CDC42BPA: variants seen among roughly 807,000 people sequenced by gnomAD.
CDC42BPA encodes CDC42 binding protein kinase alpha.
In CDC42BPA, 80 loss-of-function variants were observed where a neutral mutation model predicts 223.5. That is an observed-to-expected ratio of 0.36 (90% CI 0.30 to 0.43). The LOEUF (loss-of-function observed/expected upper bound fraction) is 0.43, where lower values mean the gene tolerates loss of function less well. Ranked by LOEUF, CDC42BPA falls within the 20% of genes least tolerant of loss-of-function variation. CDC42BPA has a pLI of 1.00. For synonymous variants in CDC42BPA, 694 were observed against 718.6 expected (o/e 0.97, Z 0.55); for missense variants, 1,743 against 2,099.9 (o/e 0.83, Z 3.32).
chr1:227,226,022 C>G (rs1252481820), intron 2 of CDC42BPA, among the ~76,000 whole-genome samples: 1 of 152,222 alleles, frequency 6.6e-6, no homozygotes, highest in Non-Finnish European at 1.5e-5. Flanking sequence ...CACCCTCTCT[C>G]TTGATTCAAG....
intron 14 of CDC42BPA, among the ~76,000 whole-genome samples, chr1:227,104,188 T>A (rs1325742997): frequency 6.6e-6 from 1 of 152,092 alleles, no homozygotes; most frequent in African/African-American, 2.4e-5. Context: ...AGGTACAACT[T>A]TTTTGGCCTC....
rs1663705789 is a variant in CDC42BPA, at chr1:227,005,007, A to C, written c.4962T>G (p.Ser1654Arg). 6.2e-7 allele frequency: 1 copy of C among 1,613,208 alleles called. No individual in the cohort carries two copies. Among genetic ancestry groups the C allele is most frequent in the African/African-American group, 1.3e-5 (1 of 74,916 alleles). Residue 1654 changes from serine (S) to arginine (R), a missense_variant, in exon 35 of 37, where the codon AGT becomes AGG. Physicochemically the swap from Ser to Arg is moderately radical, Grantham distance 110. Transcript: ENST00000366766. Reference protein sequence around the residue: ...PEPGRSMSASSGLSARSSAQN... With the variant: ...PEPGRSMSASRGLSARSSAQN... ...CCCGGCACTTACTTGCTGACAAGCC[A>C]CTGCTAGCACTCATGGAGCGGCCTG...
chr1:227,185,786 T>C lies in CDC42BPA; in HGVS notation c.599+8000A>G, dbSNP rs547423777. ...TTCTAATTCAACTTAAGAGGAAGAA[T>C]CTGGTGTTCCTCCACTCATCAGAGC... On this transcript the variant is annotated intron_variant, in intron 5 of 36. Coordinates refer to ENST00000366766, the MANE Select transcript of CDC42BPA (RefSeq NM_001394014.1). Among the ~76,000 whole-genome samples the C allele has an allele frequency of 2.3e-3, 339 of 149,996 alleles. 2 individuals are homozygous for C. The highest frequency in any genetic ancestry group is 8.0e-3 in the African/African-American group (328 of 40,874).
chr1:227,152,960 G>C (rs531821539), intron 6 of CDC42BPA, among the ~76,000 whole-genome samples: 1 of 152,030 alleles, frequency 6.6e-6, no homozygotes, highest in East Asian at 1.9e-4. Context: ...CAAAATCATT[G>C]TGAGATTTTT....
At chr1:227,024,059 A>C (rs1408217679) in intron 31 of CDC42BPA, among the ~76,000 whole-genome samples, 1 of 152,204 alleles carries the variant, frequency 6.6e-6, no homozygotes. Flanking sequence ...ATAGGTCACA[A>C]AGAAGAAAAA....
At chr1:227,273,994 C>T (rs1485260538) in intron 1 of CDC42BPA, among the ~76,000 whole-genome samples, 1 of 19,310 alleles carries the variant, frequency 5.2e-5, no homozygotes, top group African/African-American at 1.9e-4. Flanking sequence ...TTCGTATACA[C>T]CAAAAAAAAA....
chr1:227,144,319 A>G (rs760847957), intron 8 of CDC42BPA, among the ~76,000 whole-genome samples: 7 of 152,108 alleles, frequency 4.6e-5, no homozygotes, highest in East Asian at 1.9e-4. Flanking sequence ...GCTCATGCCT[A>G]TAATCCCAGC....
chr1:227,294,347 G>A (rs964040015), intron 1 of CDC42BPA, among the ~76,000 whole-genome samples: 5 of 151,904 alleles, frequency 3.3e-5, no homozygotes, highest in African/African-American at 1.2e-4. Context: ...TTTGAAGAGC[G>A]TAATTATCAA....
intron 1 of CDC42BPA, among the ~76,000 whole-genome samples, chr1:227,310,842 G>A (rs945118154): frequency 2.8e-5 from 4 of 141,848 alleles, no homozygotes; most frequent in South Asian, 2.3e-4. Context: ...ACCCGTCACC[G>A]CGCCCGGCTA....
At chr1:227,030,329 T>C in intron 29 of CDC42BPA, 79 bp downstream of exon 29, 1 of 838,918 alleles carries the variant, frequency 1.2e-6, no homozygotes, top group Non-Finnish European at 1.9e-6. Flanking sequence ...ATCCTGCTCT[T>C]TGTAGAATTT....
At chr1:227,246,490 A>C (rs1183724698) in intron 2 of CDC42BPA, among the ~76,000 whole-genome samples, 5 of 152,166 alleles carry the variant, frequency 3.3e-5, no homozygotes, top group African/African-American at 7.2e-5. Flanking sequence ...TGCTTGTATC[A>C]CCAAATCCCC....
chr1:227,004,827 T>C (rs2148360298), intron 35 of CDC42BPA, 167 bp downstream of exon 35: 1 of 739,514 alleles, frequency 1.4e-6, no homozygotes, highest in Non-Finnish European at 2.5e-6. Flanking sequence ...TCTTAACAAC[T>C]GCATTTGTGC....
intron 5 of CDC42BPA, among the ~76,000 whole-genome samples, chr1:227,166,134 T>C (rs1241694299): frequency 1.3e-5 from 2 of 152,216 alleles, no homozygotes; most frequent in African/African-American, 2.4e-5. Context: ...ATGAGTACAA[T>C]TATACATTTA....
intron 21 of CDC42BPA, among the ~76,000 whole-genome samples, chr1:227,056,535 G>A (rs532343530): frequency 1.3e-5 from 2 of 152,066 alleles, no homozygotes; most frequent in South Asian, 4.1e-4. Flanking sequence ...ACACAGGCAT[G>A]TGCCACTATG....
At chr1:227,021,761 T>C (rs1409724870) in intron 32 of CDC42BPA, among the ~76,000 whole-genome samples, 2 of 152,110 alleles carry the variant, frequency 1.3e-5, no homozygotes, top group African/African-American at 4.8e-5. Context: ...GGCTCACGCC[T>C]GTAATCCCAG....
intron 5 of CDC42BPA, among the ~76,000 whole-genome samples, chr1:227,187,194 C>T (rs1668912608): frequency 6.6e-6 from 1 of 152,028 alleles, no homozygotes; most frequent in African/African-American, 2.4e-5. Context: ...GGACAGACAT[C>T]AGAATGAGAG....
At chr1:227,110,292 A>G (rs1224541582) in intron 14 of CDC42BPA, among the ~76,000 whole-genome samples, 5 of 152,184 alleles carry the variant, frequency 3.3e-5, no homozygotes, top group Non-Finnish European at 7.3e-5. Flanking sequence ...AAGGGCCAAA[A>G]TATGTTTTAA....
chr1:227,091,936 T>C lies in CDC42BPA; in HGVS notation c.2305A>G (p.Lys769Glu). ...SEFKQQYERE[K>E]VLLTEENKKL... ...TTATTTTCTTCAGTTAACAACACTT[T>C]TTCTCGTTCATATTGTTGTTTGAAC... is the stretch of plus-strand genomic sequence containing the variant. The change falls in exon 16 of 37, where the codon AAA becomes GAA. Residue 769 changes from lysine to glutamate, a missense_variant. Transcript: ENST00000366766. 17 of 1,609,992 alleles carry C rather than the reference T, an allele frequency of 1.1e-5. No homozygotes were observed. Among genetic ancestry groups the C allele is most frequent in the Non-Finnish European group, 1.4e-5 (16 of 1,178,456 alleles).
At chr1:227,153,573 A>G (rs1662179982) in intron 6 of CDC42BPA, among the ~76,000 whole-genome samples, 1 of 151,994 alleles carries the variant, frequency 6.6e-6, no homozygotes, top group Non-Finnish European at 1.5e-5. Flanking sequence ...ACACTGTAAC[A>G]AAGATGTTAA....
Sources: gnomAD v4.1 joint callset for allele counts (sites outside exome capture counted in the v4.1 genomes callset) on GRCh38, gnomAD v4.1.1 for gene constraint, MANE v1.5 for transcripts, NCBI Gene and HGNC (gene_info 2026-07-23, HGNC 2026-07-21) for gene names.